MEGF9: variants seen among roughly 807,000 people sequenced by gnomAD.
MEGF9 encodes the protein multiple EGF like domains 9, also known as multiple epidermal growth factor-like domains protein 9.
A neutral mutation model predicts 46.8 loss-of-function variants in MEGF9; 6 were observed. The observed-to-expected ratio is 0.13, with a 90% CI of 0.07 to 0.25. The LOEUF is 0.25. MEGF9 is among the 10% of genes least tolerant of loss of function. MEGF9 has a pLI of 1.00. For synonymous variants in MEGF9, 302 were observed against 330.7 expected (o/e 0.91, Z 0.94); for missense variants, 683 against 792.4 (o/e 0.86, Z 1.66).
intron 4 of MEGF9, among the ~76,000 whole-genome samples, chr9:120,609,594 G>A (rs2043435837): frequency 6.6e-6 from 1 of 152,164 alleles, no homozygotes; most frequent in Non-Finnish European, 1.5e-5. Context: ...ACTTTAGGCA[G>A]TAGGAACATA....
chr9:120,714,329 C>A lies in MEGF9; in HGVS notation c.30G>T (p.Arg10Ser). 7.4e-7 allele frequency: 1 copy of A among 1,346,910 alleles called. No homozygotes were observed. The highest frequency in any genetic ancestry group is 1.8e-5 in the South Asian group (1 of 56,664). The allele number at this position is 1,346,910 out of a possible 1,614,324, so 83.4% of individuals were successfully genotyped here. MNGGAERAM[R>S]SLPSLGGLAL... ...CGAGGCCGCCCAGGCTCGGCAGGCT[C>A]CTCATGGCGCGCTCGGCTCCGCCAT... is the stretch of plus-strand genomic sequence containing the variant. The change falls in exon 1 of 6, where the codon AGG becomes AGT. Residue 10 changes from arginine (R) to serine (S), a missense_variant. This residue lies in a region of MEGF9 where 370 missense variants were observed against 371.3 expected (regional missense o/e 1.00). Transcript: ENST00000373930.
chr9:120,700,617 T>C (rs560787145), intron 1 of MEGF9, among the ~76,000 whole-genome samples: 4 of 152,242 alleles, frequency 2.6e-5, no homozygotes, highest in Admixed American at 2.0e-4. Flanking sequence ...GATAAATATA[T>C]TGGAATGCAA....
intron 1 of MEGF9, among the ~76,000 whole-genome samples, chr9:120,707,862 G>C (rs186113445): frequency 3.9e-5 from 6 of 152,240 alleles, no homozygotes; most frequent in Admixed American, 2.0e-4. Context: ...GACCAACATG[G>C]TGAAACCCCA....
At chr9:120,670,360 G>T (rs1318567387) in intron 1 of MEGF9, among the ~76,000 whole-genome samples, 2 of 152,134 alleles carry the variant, frequency 1.3e-5, no homozygotes, top group Non-Finnish European at 2.9e-5. Flanking sequence ...GCCTCCTAAA[G>T]TGCTGGGATT....
At chr9:120,693,487 G>A (rs2043860591) in intron 1 of MEGF9, among the ~76,000 whole-genome samples, 2 of 152,110 alleles carry the variant, frequency 1.3e-5, no homozygotes, top group African/African-American at 4.8e-5. Context: ...ACTAAAAGAA[G>A]TATAGCAAAG....
At chr9:120,652,770 T>G (rs1007907480) in intron 2 of MEGF9, among the ~76,000 whole-genome samples, 1 of 152,322 alleles carries the variant, frequency 6.6e-6, no homozygotes. Context: ...AAATCTACTC[T>G]TCTAGCTTTT....
chr9:120,712,882 G>A (rs910611556), intron 1 of MEGF9, among the ~76,000 whole-genome samples: 4 of 152,178 alleles, frequency 2.6e-5, no homozygotes, highest in African/African-American at 9.7e-5. Context: ...AGATTTAAAC[G>A]GGGAAAGAAT....
At chr9:120,679,480 G>C (rs10739571) in intron 1 of MEGF9, among the ~76,000 whole-genome samples, 78,167 of 129,910 alleles carry the variant, frequency 0.6, 24,351 homozygotes, top group South Asian at 0.76. Context: ...GTTGAGGGGT[G>C]GGGGGAGGGG....
At chr9:120,662,677 A>C (rs1412138877) in intron 1 of MEGF9, among the ~76,000 whole-genome samples, 2 of 152,238 alleles carry the variant, frequency 1.3e-5, no homozygotes, top group African/African-American at 4.8e-5. Flanking sequence ...GGAGTATTGC[A>C]ATAATTAATA....
intron 4 of MEGF9, 112 bp downstream of exon 4, chr9:120,612,284 A>C: frequency 2.0e-6 from 2 of 1,002,068 alleles, no homozygotes; most frequent in South Asian, 4.8e-5. Context: ...TGCTGTTTTT[A>C]TAACTCCCTT....
intron 2 of MEGF9, among the ~76,000 whole-genome samples, chr9:120,648,908 G>A (rs986114832): frequency 2.6e-5 from 4 of 152,050 alleles, no homozygotes; most frequent in African/African-American, 9.7e-5. Flanking sequence ...TTTAACCTGA[G>A]GCACATTCCC....
At chr9:120,675,438 T>C (rs919358772) in intron 1 of MEGF9, among the ~76,000 whole-genome samples, 1 of 151,814 alleles carries the variant, frequency 6.6e-6, no homozygotes, top group Non-Finnish European at 1.5e-5. Context: ...AAAAAATTTT[T>C]AAAAATTACT....
chr9:120,695,363 TG>T (rs1279684634), intron 1 of MEGF9, among the ~76,000 whole-genome samples: 2 of 151,922 alleles, frequency 1.3e-5, no homozygotes, highest in South Asian at 2.1e-4. Context: ...CCCAACACTT[TG>T]GGAAGCCAAG....
intron 1 of MEGF9, among the ~76,000 whole-genome samples, chr9:120,675,558 A>G (rs1029155417): frequency 1.3e-5 from 2 of 151,844 alleles, no homozygotes; most frequent in Admixed American, 1.3e-4. Flanking sequence ...ATGCCACTGT[A>G]CTCCAGCCTG....
chr9:120,622,854 C>CAT, intron 2 of MEGF9, 99 bp from the exon 3 acceptor site: 1 of 1,187,202 alleles, frequency 8.4e-7, no homozygotes, highest in East Asian at 2.4e-5. Context: ...TCATGTAAAT[C>CAT]ATATATACTT....
intron 1 of MEGF9, among the ~76,000 whole-genome samples, chr9:120,697,547 G>A (rs1288603492): frequency 6.6e-6 from 1 of 151,996 alleles, no homozygotes; most frequent in Non-Finnish European, 1.5e-5. Flanking sequence ...ACAGTATGTG[G>A]TATTACTTGC....
chr9:120,632,081 C>A (rs1219370193), intron 2 of MEGF9, among the ~76,000 whole-genome samples: 1 of 152,114 alleles, frequency 6.6e-6, no homozygotes, highest in African/African-American at 2.4e-5. Context: ...GTGCATGCTA[C>A]CACGCCCAGC....
rs140749206 is a variant in MEGF9 at position 120,703,733 on chromosome 9, G to A, written c.601+10025C>T. Reference sequence around the variant, plus strand: ...CATGCCTGTAATCCCAGCACTTTGGGAGGCTGAGACGGGTGGATCACCTAA... The same window carrying A: ...CATGCCTGTAATCCCAGCACTTTGGAAGGCTGAGACGGGTGGATCACCTAA... On this transcript the variant is annotated intron_variant, in intron 1 of 5. Transcript: ENST00000373930. Among the ~76,000 whole-genome samples the A allele has an allele frequency of 3.9e-5, 6 of 152,308 alleles. No individual in the cohort carries two copies. The South Asian group carries it at 8.3e-4, about 21-fold the overall frequency.
At chr9:120,643,886 G>C (rs1049986372) in intron 2 of MEGF9, among the ~76,000 whole-genome samples, 1 of 151,914 alleles carries the variant, frequency 6.6e-6, no homozygotes, top group Non-Finnish European at 1.5e-5. Flanking sequence ...GACTAATTGT[G>C]TAATCTGTTG....
Sources: allele counts gnomAD v4.1 joint callset (sites outside exome capture counted in the v4.1 genomes callset), GRCh38; gene constraint gnomAD v4.1.1; regional missense constraint gnomAD v4.1.1; transcripts MANE v1.5; gene names NCBI Gene and HGNC (gene_info 2026-07-23, HGNC 2026-07-21).